Variants in CACUL1 observed in about 807,000 individuals in gnomAD.
The protein encoded by CACUL1 is CDK2-associated and cullin domain-containing protein 1.
A neutral mutation model predicts 45.2 loss-of-function variants in CACUL1; 13 were observed. The ratio of observed to expected loss-of-function variants is 0.29; its 90% confidence interval spans 0.19 to 0.46. CACUL1 has a LOEUF of 0.46. Among genes scored for constraint, CACUL1 ranks in the 20% least tolerant of loss-of-function variants. The probability of loss-of-function intolerance (pLI) is 1.00; values close to 1 mark genes in which losing one functional copy is unlikely to be tolerated. For missense variants in CACUL1, 421 were observed against 471.4 expected, an observed-to-expected ratio of 0.89 and a Z score of 0.99; for synonymous variants, 197 against 174.2, an observed-to-expected ratio of 1.13 and a Z score of -1.03.
chr10:118,745,983 A>G (rs1032089758), intron 1 of CACUL1, among the ~76,000 whole-genome samples: 2 of 148,666 alleles, frequency 1.3e-5, no homozygotes, highest in Non-Finnish European at 3.0e-5. Context: ...CTAAAAAAAA[A>G]AATACAAAAA....
chr10:118,727,993 T>G (rs188436008), intron 3 of CACUL1, among the ~76,000 whole-genome samples: 48 of 152,322 alleles, frequency 3.2e-4, no homozygotes, highest in African/African-American at 1.2e-3. Flanking sequence ...TAAACATATG[T>G]GTTAAATGAA....
Position 118,754,843 on chromosome 10 carries a change from C to G in CACUL1, c.-81G>C. On this transcript the variant is annotated 5_prime_UTR_variant, in exon 1 of 9. Coordinates refer to ENST00000369151, the MANE Select transcript of CACUL1 (RefSeq NM_153810.5). ...CCGGGCCAGCGGGCACCGCTGCCTC[C>G]CCGAGTTACATCGCCGGCGGCAGGA... is the stretch of plus-strand genomic sequence containing the variant. The G allele has an allele frequency of 6.8e-7, 1 of 1,480,446 alleles. No individual in the cohort carries two copies. The allele number at this position is 1,480,446 out of a possible 1,614,324, so 91.7% of individuals were successfully genotyped here.
At chr10:118,737,076 T>G (rs1488861302) in intron 1 of CACUL1, among the ~76,000 whole-genome samples, 3 of 150,636 alleles carry the variant, frequency 2.0e-5, no homozygotes, top group Non-Finnish European at 4.4e-5. Context: ...TCAGAATGTA[T>G]CCCTGTTGTT....
At chr10:118,733,390 T>G (rs1298890610) in intron 1 of CACUL1, among the ~76,000 whole-genome samples, 1 of 152,234 alleles carries the variant, frequency 6.6e-6, no homozygotes, top group African/African-American at 2.4e-5. Context: ...TATACATCTA[T>G]GTTACCTGAA....
At position 118,754,849 on chromosome 10, in the gene CACUL1, T is replaced by C; in HGVS notation, c.-87A>G. The stretch of plus-strand genomic sequence containing the variant: ...CAGCGGGCACCGCTGCCTCCCCGAG[T>C]TACATCGCCGGCGGCAGGAATGGGC... On this transcript the variant is annotated 5_prime_UTR_variant, in exon 1 of 9. It removes the in-frame stop codon of an upstream open reading frame in the 5' UTR. Transcript: ENST00000369151. 6 of 1,475,710 alleles carry C rather than the reference T, an allele frequency of 4.1e-6. No homozygotes were observed. The highest frequency in any genetic ancestry group is 5.4e-6 in the Non-Finnish European group (6 of 1,110,944). 91.4% of individuals were successfully genotyped at this position (1,475,710 alleles called of 1,614,324 possible).
chr10:118,717,926 G>T (rs547703020), intron 3 of CACUL1, among the ~76,000 whole-genome samples: 4 of 151,876 alleles, frequency 2.6e-5, no homozygotes, highest in Non-Finnish European at 5.9e-5. Flanking sequence ...TAAAGAAGCC[G>T]ATGAACACAT....
chr10:118,712,513 T>A (rs1037618961), intron 3 of CACUL1, among the ~76,000 whole-genome samples: 1 of 152,224 alleles, frequency 6.6e-6, no homozygotes, highest in African/African-American at 2.4e-5. Context: ...CAGTGGGTCC[T>A]GAGTTCTTGT....
At chr10:118,716,634 ACT>A (rs1429844287) in intron 3 of CACUL1, among the ~76,000 whole-genome samples, 2 of 138,292 alleles carry the variant, frequency 1.4e-5, no homozygotes, top group Non-Finnish European at 1.5e-5. Flanking sequence ...ACAGAGTCTC[ACT>A]CTGTCACCCA....
At chr10:118,713,281 T>C (rs905906804) in intron 3 of CACUL1, among the ~76,000 whole-genome samples, 1 of 152,168 alleles carries the variant, frequency 6.6e-6, no homozygotes, top group African/African-American at 2.4e-5. Flanking sequence ...AACAGACACT[T>C]CTGAGCCTTC....
At chr10:118,747,438 C>T (rs1845854650) in intron 1 of CACUL1, among the ~76,000 whole-genome samples, 1 of 151,102 alleles carries the variant, frequency 6.6e-6, no homozygotes, top group African/African-American at 2.4e-5. Flanking sequence ...AAACCTTGTA[C>T]ATGGTTGTTT....
intron 4 of CACUL1, among the ~76,000 whole-genome samples, chr10:118,702,385 G>C (rs1421136149): frequency 2.0e-5 from 3 of 152,278 alleles, no homozygotes; most frequent in African/African-American, 7.2e-5. Context: ...ACGGAGAGCA[G>C]AGAGACCAAA....
chr10:118,749,225 A>AG (rs936182113), intron 1 of CACUL1, among the ~76,000 whole-genome samples: 11 of 152,098 alleles, frequency 7.2e-5, no homozygotes, highest in African/African-American at 2.7e-4. Flanking sequence ...TTTCAGTGGA[A>AG]TAGTTCTACT....
chr10:118,733,080 T>C (rs535928773), intron 1 of CACUL1, among the ~76,000 whole-genome samples: 1 of 152,304 alleles, frequency 6.6e-6, no homozygotes, highest in South Asian at 2.1e-4. Flanking sequence ...CCACATGCTA[T>C]GGCTCCAGCT....
intron 3 of CACUL1, among the ~76,000 whole-genome samples, chr10:118,712,636 A>T (rs1845500107): frequency 6.6e-6 from 1 of 152,220 alleles, no homozygotes; most frequent in Non-Finnish European, 1.5e-5. Flanking sequence ...TCCTTTCCAC[A>T]GCCAGGGTGT....
intron 1 of CACUL1, among the ~76,000 whole-genome samples, chr10:118,741,576 T>C (rs1480122497): frequency 6.6e-6 from 1 of 152,124 alleles, no homozygotes. Context: ...ATCTTCATCT[T>C]CCTTTCCTCA....
intron 1 of CACUL1, among the ~76,000 whole-genome samples, chr10:118,736,080 A>G (rs1460324741): frequency 6.6e-6 from 1 of 152,086 alleles, no homozygotes; most frequent in Non-Finnish European, 1.5e-5. Flanking sequence ...GCACAGGGGG[A>G]CGACTGAACT....
rs1481148382 is a variant in CACUL1, at chr10:118,754,673, G to A, written c.90C>T (p.Asp30=). ...GAGGTGGCAGGGGCTGCCGGAAGCCGTCCACCGCAGCCTCCCAGTTGTTGT... is the reference window on the plus strand; with the variant it reads ...GAGGTGGCAGGGGCTGCCGGAAGCCATCCACCGCAGCCTCCCAGTTGTTGT... ...QNHNNWEAAV[D]GFRQPLPPPP... Residue 30 remains aspartate, a synonymous_variant, in exon 1 of 9, where the codon GAC becomes GAT. Transcript: ENST00000369151. 1.9e-6 allele frequency: 3 copies of A among 1,608,246 alleles called. No homozygotes were observed. Among genetic ancestry groups the A allele is most frequent in the Non-Finnish European group, 2.5e-6 (3 of 1,177,788 alleles).
At chr10:118,726,389 T>C (rs11198578) in intron 3 of CACUL1, 34,819 of 1,186,572 alleles carry the variant, frequency 0.029, 662 homozygotes, top group African/African-American at 0.068. Flanking sequence ...ATCTGCTGAG[T>C]TGTAATTGTG....
rs1208937080 is a variant in CACUL1, at chr10:118,730,233, T to G, written c.494+51A>C. The stretch of plus-strand genomic sequence containing the variant: ...TTGTGTGAGGCATAATTCAAGTGCC[T>G]TGAACCTTAGTATACCCTTTCAAAC... On this transcript the variant is annotated intron_variant, in intron 2 of 8. Coordinates refer to ENST00000369151, the MANE Select transcript of CACUL1 (RefSeq NM_153810.5). The G allele has an allele frequency of 2.5e-6, 4 of 1,594,410 alleles. No individual in the cohort carries two copies. In the Admixed American group the frequency reaches 6.7e-5, roughly 27 times the overall value.
Sources: allele counts gnomAD v4.1 joint callset (sites outside exome capture counted in the v4.1 genomes callset), GRCh38; gene constraint gnomAD v4.1.1; transcripts MANE v1.5; gene names NCBI Gene and HGNC (gene_info 2026-07-23, HGNC 2026-07-21).